The following NYAP2 variants were observed in gnomAD, a reference collection of about 807,000 sequenced individuals.
The protein encoded by NYAP2 is neuronal tyrosine-phosphorylated phosphoinositide-3-kinase adaptor 2.
Under a neutral mutation model 50.4 loss-of-function variants are expected in NYAP2, and 23 were observed. That is an observed-to-expected ratio of 0.46 (90% CI 0.33 to 0.65). The LOEUF is 0.65. NYAP2 is among the 30% of genes least tolerant of loss of function. The pLI is 0.02. For synonymous variants in NYAP2, 394 were observed against 365.2 expected (o/e 1.08, Z -0.90); for missense variants, 885 against 861.0 (o/e 1.03, Z -0.35).
chr2:225,527,749 G>A (rs932363167), intron 4 of NYAP2, among the ~76,000 whole-genome samples: 1 of 152,116 alleles, frequency 6.6e-6, no homozygotes, highest in African/African-American at 2.4e-5. Flanking sequence ...CTGGGCTCAA[G>A]CAATCGTCCC....
intron 4 of NYAP2, among the ~76,000 whole-genome samples, chr2:225,527,390 G>T (rs753274055): frequency 2.6e-5 from 4 of 152,174 alleles, no homozygotes; most frequent in Non-Finnish European, 2.9e-5. Context: ...GTCAGCTCAG[G>T]ATTTTCCAAG....
chr2:225,693,534 C>T, the NYAP2 span, among the ~76,000 whole-genome samples: 2 of 151,982 alleles, frequency 1.3e-5, no homozygotes, highest in Non-Finnish European at 2.9e-5. Flanking sequence ...AGCTTATAAA[C>T]AACAAAAAGT....
chr2:225,493,905 A>G (rs553267352), intron 3 of NYAP2, among the ~76,000 whole-genome samples: 1 of 152,172 alleles, frequency 6.6e-6, no homozygotes, highest in Admixed American at 6.5e-5. Context: ...TTGTAATCCA[A>G]CCTCAGTACA....
chr2:225,538,015 C>A (rs1691382248), intron 4 of NYAP2, among the ~76,000 whole-genome samples: 1 of 152,210 alleles, frequency 6.6e-6, no homozygotes, highest in Non-Finnish European at 1.5e-5. Flanking sequence ...TTACTTCATG[C>A]ATCACATCCA....
chr2:225,675,560 T>G, the NYAP2 span, among the ~76,000 whole-genome samples: 1 of 151,970 alleles, frequency 6.6e-6, no homozygotes, highest in Non-Finnish European at 1.5e-5. Flanking sequence ...TTATGGGCAC[T>G]TAGGTTGATT....
rs531216223 is a variant in NYAP2 at position 225,428,291 on chromosome 2, A to G, written c.221+19190A>G. 4.6e-5 allele frequency among the ~76,000 whole-genome samples: 7 copies of G among 152,342 alleles called. No individual in the cohort carries two copies. The East Asian group carries it at 1.4e-3, about 29-fold the overall frequency. On this transcript the variant is annotated intron_variant, in intron 3 of 6. Coordinates refer to ENST00000636099, the Ensembl canonical transcript of NYAP2. ...TGGCCTTTGAGTTCTTTTTCAATATAGGAATCCAGGGGAAACCTGGAAAGA... is the reference window on the plus strand; with the variant it reads ...TGGCCTTTGAGTTCTTTTTCAATATGGGAATCCAGGGGAAACCTGGAAAGA...
At chr2:225,517,702 A>G (rs1690960690) in intron 4 of NYAP2, among the ~76,000 whole-genome samples, 1 of 152,186 alleles carries the variant, frequency 6.6e-6, no homozygotes, top group Non-Finnish European at 1.5e-5. Context: ...CACTTCTAAT[A>G]GGCCTGAATA....
the NYAP2 span, among the ~76,000 whole-genome samples, chr2:225,671,211 A>G: frequency 2.0e-5 from 3 of 152,008 alleles, no homozygotes; most frequent in Non-Finnish European, 4.4e-5. Flanking sequence ...GCCAAACCAT[A>G]TGATGCTGTT....
At chr2:225,660,356 A>T in the NYAP2 span, among the ~76,000 whole-genome samples, 1 of 152,068 alleles carries the variant, frequency 6.6e-6, no homozygotes. Context: ...TTAAGGTAGG[A>T]GAAAATACAA....
At chr2:225,507,832 C>T (rs147340692) in intron 3 of NYAP2, among the ~76,000 whole-genome samples, 212 of 152,304 alleles carry the variant, frequency 1.4e-3, no homozygotes, top group Non-Finnish European at 9.3e-4. Context: ...ACCAGTTTGA[C>T]GGGGCCAATG....
chr2:225,574,000 G>A (rs1361737024), intron 4 of NYAP2, among the ~76,000 whole-genome samples: 2 of 152,118 alleles, frequency 1.3e-5, no homozygotes, highest in African/African-American at 4.8e-5. Context: ...ACTGTCAAAC[G>A]AAATTTGCCT....
At chr2:225,640,989 G>C (rs1030382080) in intron 6 of NYAP2, among the ~76,000 whole-genome samples, 1 of 152,106 alleles carries the variant, frequency 6.6e-6, no homozygotes, top group African/African-American at 2.4e-5. Context: ...AGAAACCATT[G>C]GGATGATGCA....
intron 5 of NYAP2, among the ~76,000 whole-genome samples, chr2:225,625,043 TAAAAAAAAAA>T (rs386392796): frequency 9.2e-4 from 64 of 69,634 alleles, no homozygotes; most frequent in African/African-American, 3.6e-3. Context: ...AACCCAAGCG[TAAAAAAAAAA>T]AAAAAAAAAA....
intron 3 of NYAP2, among the ~76,000 whole-genome samples, chr2:225,502,547 C>G (rs746643558): frequency 1.3e-5 from 2 of 152,204 alleles, no homozygotes; most frequent in African/African-American, 4.8e-5. Flanking sequence ...CTGTTCCAGC[C>G]ATTGGAAATA....
intron 4 of NYAP2, among the ~76,000 whole-genome samples, chr2:225,529,242 A>C (rs1462956141): frequency 1.1e-4 from 16 of 152,034 alleles, no homozygotes. Flanking sequence ...GGCCCCTAAG[A>C]CCTAAAGGAA....
intron 4 of NYAP2, among the ~76,000 whole-genome samples, chr2:225,556,807 T>A (rs12991126): frequency 0.19 from 28,847 of 152,086 alleles, 3,349 homozygotes; most frequent in African/African-American, 0.33. Flanking sequence ...TGTAGCATAC[T>A]TCCCCATTGA....
intron 5 of NYAP2, among the ~76,000 whole-genome samples, chr2:225,623,092 A>T (rs528893786): frequency 1.3e-5 from 2 of 152,372 alleles, no homozygotes; most frequent in South Asian, 4.1e-4. Flanking sequence ...ACAAGTTTAT[A>T]CACAGGCCCA....
downstream of NYAP2, among the ~76,000 whole-genome samples, chr2:225,657,876 C>A (rs1693853084): frequency 6.6e-6 from 1 of 152,178 alleles, no homozygotes; most frequent in African/African-American, 2.4e-5. Context: ...AATGAGATAG[C>A]CACAGAATAT....
At position 225,651,287 on chromosome 2, in the gene NYAP2, T is replaced by A. The variant is rs901809170; in HGVS notation, c.1829-145T>A. The A allele has an allele frequency of 8.3e-6, 9 of 1,088,714 alleles. No homozygotes were observed. The African/African-American group carries it at 1.4e-4, about 17-fold the overall frequency. The allele number at this position is 1,088,714 out of a possible 1,614,324, so 67.4% of individuals were successfully genotyped here. A position where few individuals can be genotyped will look rare whatever the true frequency, so the allele number is the denominator to read the frequency against. ...AGAGTCAACTGCCATGAAAGTGTTT[T>A]ATCACCTGCTACTTATTAGCAAACA... On this transcript the variant is annotated intron_variant, in intron 6 of 6. Transcript: ENST00000636099.
Sources: allele counts gnomAD v4.1 joint callset (sites outside exome capture counted in the v4.1 genomes callset), GRCh38; gene constraint gnomAD v4.1.1; transcripts MANE v1.5; gene names NCBI Gene and HGNC (gene_info 2026-07-23, HGNC 2026-07-21).